The following CRACD variants were observed in gnomAD, a reference collection of about 807,000 sequenced individuals.
The protein encoded by CRACD is capping protein inhibiting regulator of actin dynamics.
CRACD carries 56 observed loss-of-function variants against 106.8 expected under a neutral mutation model. The observed-to-expected ratio is 0.52, with a 90% CI of 0.42 to 0.66. CRACD has a LOEUF of 0.66. Among genes scored for constraint, CRACD ranks in the 30% least tolerant of loss-of-function variants. The pLI is 0.00. For synonymous variants in CRACD, 754 were observed against 670.8 expected (o/e 1.12, Z -1.92); for missense variants, 1,730 against 1,623.2 (o/e 1.07, Z -1.13).
chr4:56,088,527 A>T (rs1396592070), intron 1 of CRACD, among the ~76,000 whole-genome samples: 1 of 151,950 alleles, frequency 6.6e-6, no homozygotes, highest in Non-Finnish European at 1.5e-5. Context: ...AGAAATACTT[A>T]CTTATACCAA....
intron 2 of CRACD, among the ~76,000 whole-genome samples, chr4:56,248,763 C>G (rs1292509019): frequency 9.0e-5 from 11 of 122,746 alleles, no homozygotes; most frequent in Non-Finnish European, 1.8e-4. Flanking sequence ...GTGTGATATT[C>G]CCCTTCCTGT....
At chr4:56,097,270 C>G (rs1302348867) in intron 1 of CRACD, 1 of 152,348 alleles carries the variant, frequency 6.6e-6, no homozygotes, top group Admixed American at 6.6e-5. Flanking sequence ...GGGTGAGGTA[C>G]AAAATAGTTT....
In CRACD at chr4:56,314,893, A is replaced by G. The variant is rs1204630383; in HGVS notation, c.1391A>G (p.Gln464Arg). The G allele has an allele frequency of 4.3e-6, 7 of 1,610,480 alleles. No individual in the cohort carries two copies. ...CCAGAGGCCGAGCGGCGAAGAGAGC[A>G]GCAGGGAAGGAGCGGGGATTTCCAG... ...QNPEAERRRE[Q>R]QGRSGDFQGA... The change falls in exon 8 of 11, where the codon CAG becomes CGG. Residue 464 changes from glutamine to arginine, a missense_variant. Coordinates refer to ENST00000682029, the MANE Select transcript of CRACD (RefSeq NM_001393381.1). The surrounding 1 kb of genome is among the most constrained non-coding windows in gnomAD (Gnocchi z 4.4).
Position 56,310,707 on chromosome 4 carries a change from T to C in CRACD, c.327T>C (p.Pro109=), listed in dbSNP as rs780726958. 3.7e-6 allele frequency: 6 copies of C among 1,611,196 alleles called. No homozygotes were observed. In the East Asian group the frequency reaches 1.1e-4, roughly 30 times the overall value. Residue 109 remains proline, a synonymous_variant, in exon 6 of 11, where the codon CCT becomes CCC. Transcript: ENST00000682029. ...TPSSLSPLNL[P]GAGSEMEEKV... is the part of the protein sequence containing the mutation. ...GTTCTCTAAGTCCTCTGAATCTCCCTGGAGCTGGAAGTGAGATGGAAGAGA... is the reference window on the plus strand; with the variant it reads ...GTTCTCTAAGTCCTCTGAATCTCCCCGGAGCTGGAAGTGAGATGGAAGAGA...
chr4:56,276,606 A>C (rs1300852129), intron 3 of CRACD, among the ~76,000 whole-genome samples: 1 of 152,222 alleles, frequency 6.6e-6, no homozygotes, highest in Non-Finnish European at 1.5e-5. Flanking sequence ...CTAGCAGGTA[A>C]TTTGCCTAAG....
intron 1 of CRACD, among the ~76,000 whole-genome samples, chr4:56,096,838 G>A (rs1238436950): frequency 1.3e-5 from 2 of 152,172 alleles, no homozygotes; most frequent in Admixed American, 1.3e-4. Context: ...TTGGAGATAA[G>A]TAGAGAAAAC....
At chr4:56,092,481 A>G (rs1320022702) in intron 1 of CRACD, among the ~76,000 whole-genome samples, 2 of 152,216 alleles carry the variant, frequency 1.3e-5, no homozygotes, top group Non-Finnish European at 2.9e-5. Flanking sequence ...TAGTATGAGA[A>G]AAAGAATGGA....
rs1235243717 is a variant in CRACD at position 56,315,776 on chromosome 4, C to A, written c.2274C>A (p.Ala758=). The A allele has an allele frequency of 6.2e-7, 1 of 1,614,080 alleles. No individual in the cohort carries two copies. Among genetic ancestry groups the A allele is most frequent in the Non-Finnish European group, 8.5e-7 (1 of 1,180,044 alleles). The change falls in exon 8 of 11, where the codon GCC becomes GCA. Residue 758 remains alanine, a synonymous_variant. Transcript: ENST00000682029. The surrounding 1 kb of genome is among the most constrained non-coding windows in gnomAD (Gnocchi z 4.1). ...TGCTGGGACCCAGCGAAGAGACAGC[C>A]CCCCAGCCTCCTCCTGCTGGTGTTC... ...RPMLGPSEET[A]PQPPPAGVRE... is the part of the protein sequence containing the mutation.
chr4:56,305,503 A>C (rs1360672874), intron 4 of CRACD, among the ~76,000 whole-genome samples: 2 of 146,482 alleles, frequency 1.4e-5, no homozygotes, highest in African/African-American at 2.6e-5. Flanking sequence ...GGCTGTTCTA[A>C]CCATGCCTGC....
At chr4:56,184,047 T>G (rs1407059005) in intron 2 of CRACD, among the ~76,000 whole-genome samples, 2 of 152,098 alleles carry the variant, frequency 1.3e-5, no homozygotes, top group Non-Finnish European at 2.9e-5. Context: ...CATCTAAAGA[T>G]CCTCCTGCTC....
At position 56,298,342 on chromosome 4, in the gene CRACD, C is replaced by T; in HGVS notation, c.113C>T (p.Thr38Ile). The T allele has an allele frequency of 6.2e-7, 1 of 1,614,152 alleles. No individual in the cohort carries two copies. Among genetic ancestry groups the T allele is most frequent in the Non-Finnish European group, 8.5e-7 (1 of 1,180,024 alleles). Residue 38 changes from threonine (T) to isoleucine (I), a missense_variant, in exon 4 of 11, where the codon ACT becomes ATT. Thr to Ile is a moderately conservative substitution (Grantham distance 89, BLOSUM62 -1). This residue lies in a region of CRACD where 1,620 missense variants were observed against 1,481.6 expected (regional missense o/e 1.09). Coordinates refer to ENST00000682029, the MANE Select transcript of CRACD (RefSeq NM_001393381.1). ...GACAACATCCTGGGCAAAGTCAAAA[C>T]TCTTCAGGTAAGACAGCTTGAGAGT... is the stretch of plus-strand genomic sequence containing the variant. ...SQDNILGKVK[T>I]LQQQLGKNIK...
At chr4:56,201,597 G>A (rs1737882790) in intron 2 of CRACD, among the ~76,000 whole-genome samples, 1 of 152,120 alleles carries the variant, frequency 6.6e-6, no homozygotes, top group Non-Finnish European at 1.5e-5. Flanking sequence ...TGCATTTACG[G>A]AAGTTTCACA....
chr4:56,287,674 T>A (rs1743450681), intron 3 of CRACD, among the ~76,000 whole-genome samples: 1 of 152,134 alleles, frequency 6.6e-6, no homozygotes, highest in Non-Finnish European at 1.5e-5. Flanking sequence ...CTATTCTCCC[T>A]GCTCAAAGCG....
At chr4:56,286,943 G>A (rs1403864020) in intron 3 of CRACD, among the ~76,000 whole-genome samples, 1 of 152,114 alleles carries the variant, frequency 6.6e-6, no homozygotes, top group Non-Finnish European at 1.5e-5. Flanking sequence ...ATGCTTATTA[G>A]CATAATCATC....
chr4:56,315,485 C>T lies in CRACD; in HGVS notation c.1983C>T (p.Ser661=), dbSNP rs372605669. The change falls in exon 8 of 11, where the codon AGC becomes AGT. Residue 661 remains serine, a synonymous_variant. Coordinates refer to ENST00000682029, the MANE Select transcript of CRACD (RefSeq NM_001393381.1). This position sits in a 1 kb window ranked among gnomAD's most constrained non-coding sequence, Gnocchi z 4.1. ...AGCCCCGCCAGGAGTCTCCCAGCAG[C>T]GCGTCCGCACTCGCAGAATGGGCTT... ...KAKPRQESPS[S]ASALAEWASI... is the part of the protein sequence containing the mutation. The T allele has an allele frequency of 2.0e-5, 32 of 1,613,134 alleles. No homozygotes were observed. The highest frequency in any genetic ancestry group is 2.6e-5 in the Non-Finnish European group (31 of 1,179,822).
intron 3 of CRACD, among the ~76,000 whole-genome samples, chr4:56,282,073 T>G (rs998522471): frequency 1.3e-5 from 2 of 152,332 alleles, no homozygotes; most frequent in East Asian, 3.9e-4. Context: ...TCTAGTTTGT[T>G]TGATGAGGAT....
rs892945502 is a variant in CRACD, at chr4:56,328,280, A to G, written c.*476A>G. 5.3e-4 allele frequency: 276 copies of G among 516,846 alleles called. No homozygotes were observed. The highest frequency in any genetic ancestry group is 1.3e-3 in the Middle Eastern group (4 of 3,166). The allele number at this position is 516,846 out of a possible 1,614,324, so 32.0% of individuals were successfully genotyped here. On this transcript the variant is annotated 3_prime_UTR_variant, in exon 11 of 11. Coordinates refer to ENST00000682029, the MANE Select transcript of CRACD (RefSeq NM_001393381.1). ...TGGTGAAAGGATCATATCTAGCTAA[A>G]AGCAAGAACACCCATTCTCCTGAAT...
At position 56,314,635 on chromosome 4, in the gene CRACD, A is replaced by AGGTGCAGGGGCCGCCCGAGGCGTT. The variant is rs1745424767; in HGVS notation, c.1136_1159dup (p.Val379_Leu386dup). The AGGTGCAGGGGCCGCCCGAGGCGTT allele has an allele frequency of 6.5e-7, 1 of 1,541,214 alleles. No homozygotes were observed. The highest frequency in any genetic ancestry group is 1.4e-5 in the African/African-American group (1 of 72,488). ...GAAGAGCTGGAACAGCAGGAGGCGGAGGTGCAGGGGCCGCCCGAGGCGTTG... is the reference window on the plus strand; with the variant it reads ...GAAGAGCTGGAACAGCAGGAGGCGGAGGTGCAGGGGCCGCCCGAGGCGTTGGTGCAGGGGCCGCCCGAGGCGTTG... On this transcript the variant is annotated inframe_insertion, in exon 8 of 11. Transcript: ENST00000682029. This position sits in a 1 kb window ranked among gnomAD's most constrained non-coding sequence, Gnocchi z 4.4.
At chr4:56,181,751 G>A (rs1736829850) in intron 2 of CRACD, among the ~76,000 whole-genome samples, 1 of 152,138 alleles carries the variant, frequency 6.6e-6, no homozygotes, top group African/African-American at 2.4e-5. Flanking sequence ...CTCCGCCTCT[G>A]TCATCACCTG....
Sources: gnomAD v4.1 joint callset for allele counts (sites outside exome capture counted in the v4.1 genomes callset) on GRCh38, gnomAD v4.1.1 for gene constraint, gnomAD v4.1.1 regional missense constraint, Gnocchi (gnomAD v3.1) non-coding constraint, MANE v1.5 for transcripts, NCBI Gene and HGNC (gene_info 2026-07-23, HGNC 2026-07-21) for gene names.